The following PGM5 variants were observed in gnomAD, a reference collection of about 807,000 sequenced individuals.
PGM5 encodes phosphoglucomutase 5.
PGM5 carries 23 observed loss-of-function variants against 59.2 expected under a neutral mutation model. The ratio of observed to expected loss-of-function variants is 0.39; its 90% CI spans 0.28 to 0.55. The LOEUF (loss-of-function observed/expected upper bound fraction) is 0.55. Among genes scored for constraint, PGM5 ranks in the 20% least tolerant of loss-of-function variants. PGM5 has a pLI of 0.66. For missense variants in PGM5, 574 were observed against 748.3 expected (o/e 0.77, Z 2.72); for synonymous variants, 214 against 286.0 (o/e 0.75, Z 2.54).
chr9:68,524,618 T>G (rs563118080), intron 10 of PGM5, among the ~76,000 whole-genome samples: 1 of 152,326 alleles, frequency 6.6e-6, no homozygotes, highest in South Asian at 2.1e-4. Flanking sequence ...GAACACCTCT[T>G]CTCCCACTGT....
intron 4 of PGM5, among the ~76,000 whole-genome samples, chr9:68,388,050 G>T: frequency 7.0e-6 from 1 of 143,628 alleles, no homozygotes. Flanking sequence ...TTTCAGTTTT[G>T]AGCATTACTG....
rs3223716 is a variant in PGM5 at position 68,529,164 on chromosome 9, C to CGTGTGTGTGTGTGT, written c.1615-369_1615-356dup. 3.1e-3 allele frequency among the ~76,000 whole-genome samples: 410 copies of CGTGTGTGTGTGTGT among 131,944 alleles called. 2 individuals are homozygous for CGTGTGTGTGTGTGT. The highest frequency in any genetic ancestry group is 8.7e-3 in the Admixed American group (113 of 12,946). 86.6% of individuals were successfully genotyped at this position (131,944 alleles called of 152,430 possible). ...AGGATGAAGAATGAGCTTTTATTCTCGTGTGTGTGTGTGTGTGTGTGTGTG... is the reference window on the plus strand; with the variant it reads ...AGGATGAAGAATGAGCTTTTATTCTCGTGTGTGTGTGTGTGTGTGTGTGTGTGTGTGTGTGTGTG... On this transcript the variant is annotated intron_variant, in intron 10 of 10. Transcript: ENST00000396396.
chr9:68,409,943 A>G (rs1180467766), intron 6 of PGM5, among the ~76,000 whole-genome samples: 1 of 151,894 alleles, frequency 6.6e-6, no homozygotes, highest in African/African-American at 2.4e-5. Context: ...TGACTTCGCC[A>G]TTGATTCTCA....
At chr9:68,438,996 C>G (rs1823484388) in intron 6 of PGM5, among the ~76,000 whole-genome samples, 1 of 152,084 alleles carries the variant, frequency 6.6e-6, no homozygotes, top group Non-Finnish European at 1.5e-5. Context: ...AAGTGGTGGT[C>G]CCAACAGACT....
chr9:68,455,513 A>G (rs1823760683), intron 6 of PGM5, among the ~76,000 whole-genome samples: 2 of 152,138 alleles, frequency 1.3e-5, no homozygotes, highest in Admixed American at 1.3e-4. Context: ...GTTAAAAAAA[A>G]AAAAAAACAG....
rs1382590993 is a variant in PGM5, at chr9:68,391,614, G to A, written c.778G>A (p.Glu260Lys). ...TTCTGCAATAAACTGTGTTCCCCTGGAAGACTTTGGAGGGCAGCACCCTGA... is the reference window on the plus strand; with the variant it reads ...TTCTGCAATAAACTGTGTTCCCCTGAAAGACTTTGGAGGGCAGCACCCTGA... Reference protein sequence around the residue: ...ANSAINCVPLEDFGGQHPDPN... With the variant: ...ANSAINCVPLKDFGGQHPDPN... The change falls in exon 5 of 11, where the codon GAA (glutamate) becomes AAA (lysine). Residue 260 changes from glutamate to lysine, a missense_variant. Physicochemically the swap from Glu to Lys is moderately conservative, Grantham distance 56. Transcript: ENST00000396396. 1 of 1,613,340 alleles carries A rather than the reference G, an allele frequency of 6.2e-7. No homozygotes were observed. Among genetic ancestry groups the A allele is most frequent in the East Asian group, 2.2e-5 (1 of 44,860 alleles).
intron 6 of PGM5, among the ~76,000 whole-genome samples, chr9:68,434,940 C>T (rs923334417): frequency 6.6e-6 from 1 of 152,174 alleles, no homozygotes; most frequent in Admixed American, 6.5e-5. Flanking sequence ...TAAAAATTAT[C>T]TTAAAGTCAC....
At chr9:68,401,369 C>G (rs1229005343) in intron 6 of PGM5, among the ~76,000 whole-genome samples, 1 of 151,744 alleles carries the variant, frequency 6.6e-6, no homozygotes, top group Non-Finnish European at 1.5e-5. Context: ...GAAGTCAGCT[C>G]TCTTTTATCT....
At chr9:68,380,256 C>A (rs1328628740) in intron 2 of PGM5, among the ~76,000 whole-genome samples, 1 of 152,044 alleles carries the variant, frequency 6.6e-6, no homozygotes, top group Admixed American at 6.6e-5. Flanking sequence ...TTGTTTCCAA[C>A]CACAATGGTG....
chr9:68,484,108 T>C (rs1941285417), intron 9 of PGM5, 60 bp downstream of exon 9: 2 of 1,453,634 alleles, frequency 1.4e-6, no homozygotes, highest in Non-Finnish European at 9.6e-7. Flanking sequence ...CAAAATGTCC[T>C]AGAACTGGAG....
chr9:68,439,641 T>G (rs1823495769), intron 6 of PGM5, among the ~76,000 whole-genome samples: 1 of 148,358 alleles, frequency 6.7e-6, no homozygotes, highest in African/African-American at 2.5e-5. Context: ...ATATTAGACA[T>G]GAACATATAT....
intron 6 of PGM5, among the ~76,000 whole-genome samples, chr9:68,412,672 G>C (rs1268371869): frequency 6.6e-6 from 1 of 152,172 alleles, no homozygotes; most frequent in Admixed American, 6.5e-5. Flanking sequence ...TCAGTATCCA[G>C]CTGGCCATAG....
intron 6 of PGM5, among the ~76,000 whole-genome samples, chr9:68,440,572 G>A (rs1823509492): frequency 6.6e-6 from 1 of 152,028 alleles, no homozygotes; most frequent in Non-Finnish European, 1.5e-5. Context: ...AATGGATGTT[G>A]AAATTTTGTC....
chr9:68,404,034 C>T (rs1305501754), intron 6 of PGM5, among the ~76,000 whole-genome samples: 5 of 152,188 alleles, frequency 3.3e-5, no homozygotes, highest in African/African-American at 1.2e-4. Context: ...GCAGCAGCTG[C>T]ACTAAAAAGT....
chr9:68,466,990 C>T (rs1823945243), intron 7 of PGM5, among the ~76,000 whole-genome samples: 1 of 152,048 alleles, frequency 6.6e-6, no homozygotes, highest in Non-Finnish European at 1.5e-5. Context: ...TCTTTCTGGA[C>T]CTGGGGATGA....
chr9:68,430,569 A>C (rs1823327919), intron 6 of PGM5, among the ~76,000 whole-genome samples: 1 of 152,244 alleles, frequency 6.6e-6, no homozygotes, highest in Non-Finnish European at 1.5e-5. Context: ...AATTTTCTCC[A>C]GGCCCAAGGA....
intron 10 of PGM5, among the ~76,000 whole-genome samples, chr9:68,502,457 G>A (rs1169147777): frequency 6.6e-6 from 1 of 152,128 alleles, no homozygotes; most frequent in East Asian, 1.9e-4. Flanking sequence ...CTTTCAGCCT[G>A]TGGGTGGAGT....
intron 6 of PGM5, among the ~76,000 whole-genome samples, chr9:68,415,938 A>T (rs183120379): frequency 1.1e-3 from 163 of 151,744 alleles, no homozygotes; most frequent in African/African-American, 3.7e-3. Context: ...AATAGAAATT[A>T]TGTTTTCTGG....
At chr9:68,526,806 G>C (rs1351318784) in intron 10 of PGM5, among the ~76,000 whole-genome samples, 1 of 152,090 alleles carries the variant, frequency 6.6e-6, no homozygotes, top group Non-Finnish European at 1.5e-5. Context: ...ACCATTATCT[G>C]TTCTTTCCAA....
Sources: allele counts gnomAD v4.1 joint callset (sites outside exome capture counted in the v4.1 genomes callset), GRCh38; gene constraint gnomAD v4.1.1; transcripts MANE v1.5; gene names NCBI Gene and HGNC (gene_info 2026-07-23, HGNC 2026-07-21).